The following PCNX1 variants were observed in gnomAD, a reference collection of about 807,000 sequenced individuals.
PCNX1 encodes the protein pecanex-like protein 1.
PCNX1 carries 78 observed loss-of-function variants against 242.2 expected under a neutral mutation model. The ratio of observed to expected loss-of-function variants is 0.32; its 90% CI spans 0.27 to 0.39. PCNX1 has a LOEUF of 0.39. Among genes scored for constraint, PCNX1 ranks in the 10% least tolerant of loss-of-function variants. The pLI, the probability that PCNX1 is intolerant of heterozygous loss-of-function variation, is 1.00. For synonymous variants in PCNX1, 1,024 were observed against 1,032.9 expected, an observed-to-expected ratio of 0.99 and a Z score of 0.17; for missense variants, 2,581 against 2,856.5, an observed-to-expected ratio of 0.90 and a Z score of 2.20.
chr14:70,941,437 AG>A (rs1371210835), intron 1 of PCNX1, among the ~76,000 whole-genome samples: 1 of 152,232 alleles, frequency 6.6e-6, no homozygotes, highest in Non-Finnish European at 1.5e-5. Flanking sequence ...TGGAGGCTGC[AG>A]AACAGCAAAT....
intron 1 of PCNX1, among the ~76,000 whole-genome samples, chr14:70,927,863 C>CAA (rs1211994496): frequency 6.6e-6 from 1 of 152,132 alleles, no homozygotes; most frequent in Non-Finnish European, 1.5e-5. Context: ...GCTGGCATTA[C>CAA]AGGTGTGAGC....
intron 2 of PCNX1, among the ~76,000 whole-genome samples, chr14:70,953,859 G>C (rs2057889115): frequency 6.6e-6 from 1 of 151,338 alleles, no homozygotes; most frequent in African/African-American, 2.4e-5. Context: ...GTAGAGTTGG[G>C]GTCTCACCAT....
In PCNX1 at chr14:71,089,258, T is replaced by C. The variant is rs1170851467; in HGVS notation, c.5505T>C (p.Ile1835=). ...LFKGDFRISS[I]RDEWIFADME... ...AAGGAGATTTCCGTATTTCTTCAAT[T>C]CGAGATGAATGGATCTTTGCTGACA... The change falls in exon 30 of 36, where the codon ATT becomes ATC. Residue 1835 remains isoleucine, a synonymous_variant. Transcript: ENST00000304743. 1 of 1,611,484 alleles carries C rather than the reference T, an allele frequency of 6.2e-7. No individual in the cohort carries two copies. Among genetic ancestry groups the C allele is most frequent in the Admixed American group, 1.7e-5 (1 of 59,994 alleles).
intron 32 of PCNX1, among the ~76,000 whole-genome samples, chr14:71,104,703 G>A (rs560653979): frequency 6.6e-6 from 1 of 152,154 alleles, no homozygotes; most frequent in Non-Finnish European, 1.5e-5. Flanking sequence ...GCTGAGGTGG[G>A]CAGATCATAA....
intron 1 of PCNX1, among the ~76,000 whole-genome samples, chr14:70,935,152 G>A (rs2056950934): frequency 6.6e-6 from 1 of 152,206 alleles, no homozygotes; most frequent in African/African-American, 2.4e-5. Flanking sequence ...AATTTGAATA[G>A]AAAATACAAG....
intron 7 of PCNX1, among the ~76,000 whole-genome samples, chr14:70,991,535 T>G (rs868219396): frequency 6.6e-6 from 1 of 152,184 alleles, no homozygotes; most frequent in African/African-American, 2.4e-5. Context: ...GTTCACATTA[T>G]AGTTTTTGAA....
chr14:70,948,702 T>TAC (rs1016597438), intron 2 of PCNX1, among the ~76,000 whole-genome samples: 2 of 149,890 alleles, frequency 1.3e-5, no homozygotes, highest in African/African-American at 4.9e-5. Flanking sequence ...CGTGTATATA[T>TAC]ACACACATAC....
In PCNX1 at chr14:71,076,416, A is replaced by G; in HGVS notation, c.5334A>G (p.Ala1778=). ...TAGAGTACTGCTCTTCCCGAAGAGC[A>G]AAGGTAGAGTTTATTTCATTTATAA... is the stretch of plus-strand genomic sequence containing the variant. The part of the protein sequence containing the change: ...NWIEYCSSRR[A]KPVDVDKDSS... Residue 1778 remains alanine (A), a synonymous_variant, in exon 28 of 36, where the codon GCA becomes GCG. Coordinates refer to ENST00000304743, the MANE Select transcript of PCNX1 (RefSeq NM_014982.3). 1 of 1,579,014 alleles carries G rather than the reference A, an allele frequency of 6.3e-7. No homozygotes were observed. Among genetic ancestry groups the G allele is most frequent in the Non-Finnish European group, 8.7e-7 (1 of 1,148,664 alleles).
intron 7 of PCNX1, among the ~76,000 whole-genome samples, chr14:70,992,157 A>G (rs1196973310): frequency 1.3e-5 from 2 of 152,266 alleles, no homozygotes; most frequent in African/African-American, 2.4e-5. Context: ...ACAAATATTT[A>G]AAATATTTAT....
chr14:70,950,608 CT>C (rs930071923), intron 2 of PCNX1, among the ~76,000 whole-genome samples: 2 of 151,548 alleles, frequency 1.3e-5, no homozygotes, highest in Non-Finnish European at 1.5e-5. Context: ...TCAGCTGCCT[CT>C]TTTTTTTGCA....
Position 71,046,931 on chromosome 14 carries a change from G to A in PCNX1, c.4019-33G>A, listed in dbSNP as rs781063054. ...CACATTGACAAACTATACATTTGAT[G>A]ACATGTAGTCTTGATTTATACTGCC... On this transcript the variant is annotated intron_variant, in intron 20 of 35. Transcript: ENST00000304743. The A allele has an allele frequency of 3.9e-6, 6 of 1,549,748 alleles. No homozygotes were observed. In the South Asian group the frequency reaches 6.2e-5, roughly 16 times the overall value.
intron 1 of PCNX1, among the ~76,000 whole-genome samples, chr14:70,912,214 G>A (rs1196623012): frequency 2.0e-5 from 3 of 149,966 alleles, no homozygotes; most frequent in Non-Finnish European, 3.0e-5. Flanking sequence ...CAGCCTGGGC[G>A]ACAGAGCGAG....
At chr14:71,089,843 ATG>A (rs1566793859) in intron 30 of PCNX1, among the ~76,000 whole-genome samples, 1 of 152,196 alleles carries the variant, frequency 6.6e-6, no homozygotes, top group Non-Finnish European at 1.5e-5. Flanking sequence ...TAAAAGAAAA[ATG>A]TGACTTCATG....
At chr14:71,070,892 A>T (rs1028149892) in intron 26 of PCNX1, among the ~76,000 whole-genome samples, 1 of 152,334 alleles carries the variant, frequency 6.6e-6, no homozygotes, top group African/African-American at 2.4e-5. Flanking sequence ...AAAGTCCTAG[A>T]TGGCATCTTC....
intron 22 of PCNX1, among the ~76,000 whole-genome samples, chr14:71,049,616 T>C (rs921774953): frequency 1.1e-4 from 17 of 152,210 alleles, no homozygotes; most frequent in Non-Finnish European, 2.4e-4. Flanking sequence ...CGTGATGATA[T>C]ACATGCTGCT....
At chr14:70,928,519 TA>T (rs2056672558) in intron 1 of PCNX1, among the ~76,000 whole-genome samples, 1 of 152,200 alleles carries the variant, frequency 6.6e-6, no homozygotes, top group Admixed American at 6.5e-5. Flanking sequence ...CTTAGACTGA[TA>T]AATAAAAGAG....
Position 70,946,987 on chromosome 14 carries a change from A to G in PCNX1, c.226A>G (p.Met76Val), listed in dbSNP as rs760690364. ...AGCTGCTGTTTTCATTGTTCTGAAG[A>G]TGGTCAACTATCGACTACACAGAGC... Reference protein sequence around the residue: ...VIAAVFIVLKMVNYRLHRALD... With the variant: ...VIAAVFIVLKVVNYRLHRALD... The change falls in exon 2 of 36, where the codon ATG (methionine) becomes GTG (valine). Residue 76 changes from methionine to valine, a missense_variant. By Grantham distance (21) the Met-to-Val change is conservative (BLOSUM62 1). Coordinates refer to ENST00000304743, the MANE Select transcript of PCNX1 (RefSeq NM_014982.3). 2.5e-6 allele frequency: 4 copies of G among 1,613,910 alleles called. No individual in the cohort carries two copies. The highest frequency in any genetic ancestry group is 2.5e-6 in the Non-Finnish European group (3 of 1,179,852).
rs1295844259 is a variant in PCNX1 at position 71,023,303 on chromosome 14, T to C, written c.3183+71T>C. Reference sequence around the variant, plus strand: ...TATCATAATATTTGTGGTTTGTTTTTTGTTTTTTTGTTTTGTTTGGAATGC... The same window carrying C: ...TATCATAATATTTGTGGTTTGTTTTCTGTTTTTTTGTTTTGTTTGGAATGC... On this transcript the variant is annotated intron_variant, in intron 13 of 35. Transcript: ENST00000304743. 89 of 1,200,812 alleles carry C rather than the reference T, an allele frequency of 7.4e-5. No homozygotes were observed. The East Asian group carries it at 1.8e-3, about 25-fold the overall frequency. 74.4% of individuals were successfully genotyped at this position (1,200,812 alleles called of 1,614,324 possible). A position where few individuals can be genotyped will look rare whatever the true frequency, so the allele number is the denominator to read the frequency against.
intron 17 of PCNX1, 122 bp from the exon 18 acceptor site, chr14:71,033,809 C>G (rs2060456934): frequency 1.5e-6 from 1 of 645,494 alleles, no homozygotes; most frequent in Non-Finnish European, 2.8e-6. Flanking sequence ...TAGAATTTCT[C>G]ATTTGGTAAT....
Sources: gnomAD v4.1 joint callset for allele counts (sites outside exome capture counted in the v4.1 genomes callset) on GRCh38, gnomAD v4.1.1 for gene constraint, MANE v1.5 for transcripts, NCBI Gene and HGNC (gene_info 2026-07-23, HGNC 2026-07-21) for gene names.